The following MIS18A variants were observed in gnomAD, a reference collection of about 807,000 sequenced individuals.
MIS18A encodes the protein MIS18 kinetochore protein A, also known as protein Mis18-alpha.
Under a neutral mutation model 25.0 loss-of-function variants are expected in MIS18A, and 14 were observed. That is an observed-to-expected ratio of 0.56 (90% CI 0.37 to 0.88). MIS18A has a LOEUF of 0.88. Ranked by LOEUF, MIS18A falls within the 40% of genes least tolerant of loss-of-function variation. MIS18A has a pLI of 0.00. For synonymous variants in MIS18A, 134 were observed against 118.6 expected (o/e 1.13, Z -0.84); for missense variants, 292 against 290.8 (o/e 1.00, Z -0.03).
intron 1 of MIS18A, chr21:32,278,098 G>A (rs1484937149): frequency 6.6e-6 from 1 of 152,364 alleles, no homozygotes; most frequent in Non-Finnish European, 1.5e-5. Context: ...AGAGGTAACT[G>A]CTAGAACCAG....
the MIS18A span, among the ~76,000 whole-genome samples, chr21:32,239,257 G>A: frequency 6.6e-6 from 1 of 152,120 alleles, no homozygotes; most frequent in African/African-American, 2.4e-5. Context: ...TTAATTCCCA[G>A]CACAAATACC....
At chr21:32,171,443 G>A in the MIS18A span, among the ~76,000 whole-genome samples, 1 of 151,944 alleles carries the variant, frequency 6.6e-6, no homozygotes, top group Non-Finnish European at 1.5e-5. Context: ...AACAAAACAA[G>A]TACAGTTATG....
rs1288223399 is a variant in MIS18A, at chr21:32,278,678, G to A, written c.334+3C>T. 1 of 1,541,078 alleles carries A rather than the reference G, an allele frequency of 6.5e-7. No homozygotes were observed. Among genetic ancestry groups the A allele is most frequent in the Non-Finnish European group, 8.7e-7 (1 of 1,147,992 alleles). On this transcript the variant is annotated splice_donor_region_variant and intron_variant, in intron 1 of 4. Coordinates refer to ENST00000290130, the MANE Select transcript of MIS18A (RefSeq NM_018944.3). ...CCCCCCTGCCCGGCTCGACCCAACT[G>A]ACAGCGAAGCAGGATGCAGTTGGTG...
the MIS18A span, among the ~76,000 whole-genome samples, chr21:32,206,087 ACTCAGAATTCAGATGACCCCT>A: frequency 6.6e-6 from 1 of 152,008 alleles, no homozygotes; most frequent in African/African-American, 2.4e-5. Context: ...TCCAGGCCAA[ACTCAGAATTCAGATGACCCCT>A]CTCATGTGGT....
the MIS18A span, among the ~76,000 whole-genome samples, chr21:32,218,192 C>CAAAAAAAAAAAAAAA: frequency 3.2e-4 from 18 of 56,354 alleles, no homozygotes; most frequent in Admixed American, 6.6e-4. Context: ...GACTCCATCT[C>CAAAAAAAAAAAAAAA]AAAAAAAAAA....
At chr21:32,250,907 C>T in the MIS18A span, among the ~76,000 whole-genome samples, 3 of 152,198 alleles carry the variant, frequency 2.0e-5, no homozygotes, top group Admixed American at 1.3e-4. Context: ...ATAATCCCTA[C>T]ATGTGGCGGA....
the MIS18A span, among the ~76,000 whole-genome samples, chr21:32,259,340 C>A: frequency 2.6e-5 from 4 of 152,306 alleles, no homozygotes; most frequent in South Asian, 8.3e-4. Flanking sequence ...GGTTACAATT[C>A]TTTCCCACAC....
the MIS18A span, among the ~76,000 whole-genome samples, chr21:32,216,549 A>G: frequency 6.6e-6 from 1 of 152,268 alleles, no homozygotes; most frequent in Non-Finnish European, 1.5e-5. Context: ...GGCCAACCAA[A>G]GAGCTTAAAA....
the MIS18A span, among the ~76,000 whole-genome samples, chr21:32,239,078 T>C: frequency 6.6e-6 from 1 of 152,204 alleles, no homozygotes; most frequent in Admixed American, 6.5e-5. Context: ...CTTAGCAAAA[T>C]ATTAACAGCA....
At chr21:32,156,586 C>T in the MIS18A span, 9 of 152,292 alleles carry the variant, frequency 5.9e-5, no homozygotes, top group African/African-American at 2.2e-4. Flanking sequence ...TTACAACTAC[C>T]TTACATAAAG....
At chr21:32,170,853 C>T in the MIS18A span, among the ~76,000 whole-genome samples, 1 of 151,932 alleles carries the variant, frequency 6.6e-6, no homozygotes, top group Admixed American at 6.6e-5. Context: ...ACATAATATA[C>T]AATATTCATA....
the MIS18A span, among the ~76,000 whole-genome samples, chr21:32,156,033 G>C: frequency 6.6e-6 from 1 of 151,970 alleles, no homozygotes; most frequent in Admixed American, 6.5e-5. Context: ...GATTCAGAAA[G>C]GGAAATTTGC....
chr21:32,278,309 A>C, intron 1 of MIS18A: 1 of 214,482 alleles, frequency 4.7e-6, no homozygotes, highest in Non-Finnish European at 9.1e-6. Context: ...GCTAATTTCT[A>C]TGGGGAGTAA....
chr21:32,190,269 G>A, the MIS18A span, among the ~76,000 whole-genome samples: 3 of 151,940 alleles, frequency 2.0e-5, no homozygotes, highest in Non-Finnish European at 4.4e-5. Context: ...TATACTAGCT[G>A]CATGCAATGG....
At chr21:32,180,688 A>G in the MIS18A span, among the ~76,000 whole-genome samples, 89,560 of 152,074 alleles carry the variant, frequency 0.59, 27,100 homozygotes, top group African/African-American at 0.72. Flanking sequence ...CAACCACAGC[A>G]TATGGTGGAA....
the MIS18A span, among the ~76,000 whole-genome samples, chr21:32,210,942 A>C: frequency 1.3e-5 from 2 of 152,180 alleles, no homozygotes; most frequent in East Asian, 1.9e-4. Context: ...TGGAAAAAAA[A>C]TACTTTCCTG....
chr21:32,234,620 A>C, the MIS18A span, among the ~76,000 whole-genome samples: 2 of 152,138 alleles, frequency 1.3e-5, no homozygotes, highest in African/African-American at 4.8e-5. Context: ...GCTTAGCAGC[A>C]TCCATGGTGA....
chr21:32,251,629 T>G, the MIS18A span, among the ~76,000 whole-genome samples: 2 of 152,196 alleles, frequency 1.3e-5, no homozygotes, highest in Non-Finnish European at 2.9e-5. Context: ...TTTAAGAGAA[T>G]GAACCCAAAT....
At chr21:32,239,537 T>A in the MIS18A span, among the ~76,000 whole-genome samples, 4 of 152,212 alleles carry the variant, frequency 2.6e-5, no homozygotes, top group East Asian at 7.7e-4. Flanking sequence ...AGCTTTCTTG[T>A]GCTGCTCTTT....
Sources: gnomAD v4.1 joint callset for allele counts (sites outside exome capture counted in the v4.1 genomes callset) on GRCh38, gnomAD v4.1.1 for gene constraint, MANE v1.5 for transcripts, NCBI Gene and HGNC (gene_info 2026-07-23, HGNC 2026-07-21) for gene names.